The following ATE1 variants were observed in gnomAD, a reference collection of about 807,000 sequenced individuals.
ATE1 encodes arginyl-tRNA--protein transferase 1.
ATE1 carries 36 observed loss-of-function variants against 70.5 expected under a neutral mutation model. That is an observed-to-expected ratio of 0.51 (90% CI 0.39 to 0.67). ATE1 has a LOEUF of 0.67. Ranked by LOEUF, ATE1 falls within the 30% of genes least tolerant of loss-of-function variation. ATE1 has a pLI of 0.00. For synonymous variants in ATE1, 232 were observed against 219.3 expected (o/e 1.06, Z -0.51); for missense variants, 593 against 629.5 (o/e 0.94, Z 0.62).
intron 9 of ATE1, 152 bp downstream of exon 9, chr10:121,840,930 G>C (rs994474338): frequency 1.8e-5 from 9 of 506,924 alleles, no homozygotes; most frequent in Non-Finnish European, 2.4e-5. Flanking sequence ...CTATTATATA[G>C]TAGTATGTAT....
rs765902166 is a variant in ATE1 at position 121,870,007 on chromosome 10, T to C, written c.974A>G (p.Glu325Gly). Residue 325 changes from glutamate to glycine, a missense_variant and splice_region_variant, in exon 8 of 12, where the codon GAG (glutamate) becomes GGG (glycine). Glu to Gly is a moderately conservative substitution (Grantham distance 98). Coordinates refer to ENST00000224652, the MANE Select transcript of ATE1 (RefSeq NM_001001976.3). ...FTRFLCSSPLEAETPPNGPDC... is the reference protein window; with the variant it reads ...FTRFLCSSPLGAETPPNGPDC... ...TTAAGGTCAGTGAGTAACTCTTACC[T>C]CCAAGGGTGAACTGCAAAGGAATCT... 6.5e-5 allele frequency: 105 copies of C among 1,609,074 alleles called. No individual in the cohort carries two copies. The highest frequency in any genetic ancestry group is 8.8e-5 in the Non-Finnish European group (104 of 1,176,056).
intron 10 of ATE1, among the ~76,000 whole-genome samples, chr10:121,800,605 A>G (rs1465767376): frequency 1.3e-5 from 2 of 152,226 alleles, no homozygotes; most frequent in Non-Finnish European, 2.9e-5. Context: ...AGTACACCAA[A>G]AAGACAATAT....
chr10:121,873,448 C>T (rs1038311672), intron 7 of ATE1, among the ~76,000 whole-genome samples: 4 of 152,080 alleles, frequency 2.6e-5, no homozygotes, highest in East Asian at 1.9e-4. Context: ...TATTCATCAT[C>T]GGTAGCCTGA....
At chr10:121,920,614 G>C (rs914391079) in intron 3 of ATE1, among the ~76,000 whole-genome samples, 1 of 152,086 alleles carries the variant, frequency 6.6e-6, no homozygotes. Context: ...AGGTGAGAAG[G>C]TACATGGAAA....
intron 11 of ATE1, among the ~76,000 whole-genome samples, chr10:121,777,784 C>A (rs115509731): frequency 1.3e-5 from 2 of 152,034 alleles, no homozygotes; most frequent in South Asian, 2.1e-4. Flanking sequence ...TAGAAATTTA[C>A]GTTTATTGTG....
chr10:121,751,860 A>G (rs1024190167), intron 11 of ATE1, among the ~76,000 whole-genome samples: 2 of 152,032 alleles, frequency 1.3e-5, no homozygotes, highest in South Asian at 2.1e-4. Context: ...TTTTTGTATC[A>G]TATCTAAGAA....
chr10:121,862,916 C>G (rs918202061), intron 8 of ATE1, among the ~76,000 whole-genome samples: 6 of 149,318 alleles, frequency 4.0e-5, no homozygotes, highest in Non-Finnish European at 9.0e-5. Flanking sequence ...CTGAATAACC[C>G]ACCCTTTAAT....
At chr10:121,836,840 G>C (rs776340373) in intron 9 of ATE1, 23 bp from the exon 10 acceptor site, 18 of 1,447,390 alleles carry the variant, frequency 1.2e-5, no homozygotes, top group Non-Finnish European at 1.7e-5. Context: ...AAAGAAGAAA[G>C]CTGAAGGCAG....
chr10:121,858,253 A>G (rs527432705), intron 8 of ATE1, among the ~76,000 whole-genome samples: 10 of 152,198 alleles, frequency 6.6e-5, no homozygotes, highest in African/African-American at 2.4e-4. Flanking sequence ...ATTGTTATAC[A>G]TTTTTCCACT....
chr10:121,859,349 C>T (rs1305585811), intron 8 of ATE1, among the ~76,000 whole-genome samples: 4 of 150,734 alleles, frequency 2.7e-5, no homozygotes, highest in Non-Finnish European at 4.4e-5. Flanking sequence ...CTCCGCCTCC[C>T]GGGTTCACGC....
At chr10:121,811,342 T>C (rs1947311421) in intron 10 of ATE1, among the ~76,000 whole-genome samples, 1 of 152,210 alleles carries the variant, frequency 6.6e-6, no homozygotes, top group South Asian at 2.1e-4. Context: ...GGTAAAATAC[T>C]ACCAATAGGT....
At chr10:121,855,663 C>G (rs1949222027) in intron 8 of ATE1, among the ~76,000 whole-genome samples, 1 of 152,136 alleles carries the variant, frequency 6.6e-6, no homozygotes, top group African/African-American at 2.4e-5. Flanking sequence ...AACAGAAGAG[C>G]TCTGTAAAAT....
At chr10:121,928,302 G>C, upstream of ATE1, 4 of 1,505,838 alleles carry the variant, frequency 2.7e-6, no homozygotes, top group South Asian at 5.0e-5. Context: ...GAGGGCCTGT[G>C]CGGGGCGCGG....
rs183710959 is a variant in ATE1, at chr10:121,776,476, C to T, written c.1378+13693G>A. 9.9e-4 allele frequency among the ~76,000 whole-genome samples: 151 copies of T among 152,288 alleles called. 1 individual carries two copies. The highest frequency in any genetic ancestry group is 1.6e-3 in the Non-Finnish European group (106 of 68,026). ...TCTGACCAATACATATTAATCACAGCAATCACTGCTACCACTGCCGTATCA... is the reference window on the plus strand; with the variant it reads ...TCTGACCAATACATATTAATCACAGTAATCACTGCTACCACTGCCGTATCA... On this transcript the variant is annotated intron_variant, in intron 11 of 11. Coordinates refer to ENST00000224652, the MANE Select transcript of ATE1 (RefSeq NM_001001976.3).
chr10:121,745,696 C>G (rs1944339455), intron 11 of ATE1, among the ~76,000 whole-genome samples: 1 of 151,784 alleles, frequency 6.6e-6, no homozygotes, highest in Non-Finnish European at 1.5e-5. Flanking sequence ...CACTGCACTC[C>G]AGCCTGGGCG....
intron 11 of ATE1, among the ~76,000 whole-genome samples, chr10:121,779,654 T>C (rs1317406144): frequency 6.6e-6 from 1 of 152,192 alleles, no homozygotes; most frequent in Non-Finnish European, 1.5e-5. Context: ...ATCTTTACTC[T>C]TTCCTTTCCC....
intron 10 of ATE1, among the ~76,000 whole-genome samples, chr10:121,826,148 G>A (rs770676673): frequency 8.3e-4 from 127 of 152,156 alleles, no homozygotes; most frequent in Non-Finnish European, 1.7e-3. Context: ...GGGAGCTATC[G>A]TCTATTGGGT....
intron 10 of ATE1, among the ~76,000 whole-genome samples, chr10:121,809,589 G>A (rs758323868): frequency 5.9e-5 from 9 of 152,034 alleles, no homozygotes; most frequent in Non-Finnish European, 1.2e-4. Flanking sequence ...GCCTTGATTC[G>A]TGCTAAGACG....
Position 121,812,821 on chromosome 10 carries a change from T to C in ATE1, c.1258-22532A>G, listed in dbSNP as rs563079101. Among the ~76,000 whole-genome samples, 11 of 152,306 alleles carry C rather than the reference T, an allele frequency of 7.2e-5. No homozygotes were observed. In the East Asian group the frequency reaches 2.1e-3, roughly 29 times the overall value. On this transcript the variant is annotated intron_variant, in intron 10 of 11. Coordinates refer to ENST00000224652, the MANE Select transcript of ATE1 (RefSeq NM_001001976.3). ...TGGCTCAAATTAAGTTAAACTGGGA[T>C]AGCTCCAGGTCACAAAAGTAATGAT...
Sources: allele counts gnomAD v4.1 joint callset (sites outside exome capture counted in the v4.1 genomes callset), GRCh38; gene constraint gnomAD v4.1.1; transcripts MANE v1.5; gene names NCBI Gene and HGNC (gene_info 2026-07-23, HGNC 2026-07-21).